Variants in KIAA1217 observed in about 807,000 individuals in gnomAD.
KIAA1217 encodes the protein sickle tail protein homolog.
KIAA1217 carries 88 observed loss-of-function variants against 163.9 expected under a neutral mutation model. The ratio of observed to expected loss-of-function variants is 0.54; its 90% CI spans 0.45 to 0.64. KIAA1217 has a LOEUF of 0.64. KIAA1217 is among the 30% of genes least tolerant of loss of function. The probability of loss-of-function intolerance (pLI) is 0.00; values close to 1 mark genes in which losing one functional copy is unlikely to be tolerated. For synonymous variants in KIAA1217, 903 were observed against 923.1 expected, an observed-to-expected ratio of 0.98 and a Z score of 0.39; for missense variants, 2,372 against 2,475.0, an observed-to-expected ratio of 0.96 and a Z score of 0.88.
At chr10:24,049,359 G>T (rs1849315525) in intron 2 of KIAA1217, among the ~76,000 whole-genome samples, 1 of 152,124 alleles carries the variant, frequency 6.6e-6, no homozygotes, top group South Asian at 2.1e-4. Flanking sequence ...CAGTGGCATA[G>T]AAACCTAAAG....
At position 24,168,889 on chromosome 10, in the gene KIAA1217, G is replaced by T. The variant is rs190131400; in HGVS notation, c.-170-50737G>T. On this transcript the variant is annotated intron_variant, in intron 2 of 18. Coordinates refer to the KIAA1217 transcript ENST00000376462. The stretch of plus-strand genomic sequence containing the variant: ...ATCTAAAGAGGCCATTTTTCATCTG[G>T]ATCATCAAGCAGTGGCTCTGAAGGT... 1.3e-3 allele frequency among the ~76,000 whole-genome samples: 192 copies of T among 152,286 alleles called. 1 individual carries two copies. In the South Asian group the frequency reaches 0.016, roughly 12 times the overall value.
rs1259218049 is a variant in KIAA1217, at chr10:24,545,051, T to C, written c.5282T>C (p.Leu1761Pro). 3 of 1,613,978 alleles carry C rather than the reference T, an allele frequency of 1.9e-6. No individual in the cohort carries two copies. The highest frequency in any genetic ancestry group is 2.5e-6 in the Non-Finnish European group (3 of 1,180,018). The change falls in exon 20 of 21, where the codon CTG becomes CCG. Residue 1761 changes from leucine (L) to proline (P), a missense_variant. By Grantham distance (98) the Leu-to-Pro change is moderately conservative (BLOSUM62 -3). Around this residue, in one of 3 missense-constraint regions of KIAA1217, gnomAD observed 690 missense variants for 677.5 expected, o/e 1.02. Transcript: ENST00000376454. ...AGTGCCAAGAACAGACCCGGAACCC[T>C]GGACAAACCCGGCAAGCAGTCCAAA... is the stretch of plus-strand genomic sequence containing the variant. ...PMSAKNRPGT[L>P]DKPGKQSKLQ...
rs1002195813 is a variant in KIAA1217 at position 23,825,763 on chromosome 10, A to G, written c.-321+130529A>G. Among the ~76,000 whole-genome samples, 4 of 152,326 alleles carry G rather than the reference A, an allele frequency of 2.6e-5. No individual in the cohort carries two copies. In the East Asian group the frequency reaches 7.7e-4, roughly 29 times the overall value. Reference sequence around the variant, plus strand: ...CACAGATGAAAATAACAGTAAAAAAATAGTGGTAAAACGTGGATTTTTGAG... The same window carrying G: ...CACAGATGAAAATAACAGTAAAAAAGTAGTGGTAAAACGTGGATTTTTGAG... On this transcript the variant is annotated intron_variant, in intron 1 of 18. Transcript: ENST00000376462.
intron 1 of KIAA1217, among the ~76,000 whole-genome samples, chr10:23,982,527 GTTTCTC>G (rs1845809866): frequency 1.5e-5 from 1 of 65,238 alleles, no homozygotes; most frequent in Non-Finnish European, 3.3e-5. Context: ...TCTGTTTTTT[GTTTCTC>G]TCTCTCTCTC....
chr10:24,047,880 G>A (rs1849154890), intron 2 of KIAA1217, among the ~76,000 whole-genome samples: 1 of 152,174 alleles, frequency 6.6e-6, no homozygotes. Context: ...GGCAGTCATG[G>A]CTGTGGATAG....
At chr10:23,763,163 A>T (rs1834345455) in intron 1 of KIAA1217, among the ~76,000 whole-genome samples, 1 of 152,214 alleles carries the variant, frequency 6.6e-6, no homozygotes. Flanking sequence ...GGAAGAATCA[A>T]TATCATGAAA....
chr10:24,193,305 T>A (rs980532672), intron 2 of KIAA1217, among the ~76,000 whole-genome samples: 2 of 152,204 alleles, frequency 1.3e-5, no homozygotes, highest in Non-Finnish European at 2.9e-5. Context: ...TAACTCTGAT[T>A]TTATAGGAGT....
intron 1 of KIAA1217, among the ~76,000 whole-genome samples, chr10:23,991,493 A>G (rs1846216164): frequency 6.6e-6 from 1 of 152,192 alleles, no homozygotes; most frequent in African/African-American, 2.4e-5. Context: ...TAGATCCTGT[A>G]TCTGCAAGTG....
chr10:23,804,789 A>C (rs1836658043), intron 1 of KIAA1217, among the ~76,000 whole-genome samples: 1 of 152,228 alleles, frequency 6.6e-6, no homozygotes, highest in South Asian at 2.1e-4. Context: ...AGATCAGACT[A>C]TATTGCTCCT....
intron 2 of KIAA1217, among the ~76,000 whole-genome samples, chr10:24,374,275 G>T (rs551448422): frequency 7.2e-5 from 11 of 152,274 alleles, no homozygotes; most frequent in South Asian, 2.1e-4. Context: ...TTAAAATGTG[G>T]TTAGTGAATA....
intron 2 of KIAA1217, among the ~76,000 whole-genome samples, chr10:24,013,171 C>T (rs940480085): frequency 3.3e-5 from 5 of 152,006 alleles, no homozygotes; most frequent in South Asian, 2.1e-4. Flanking sequence ...TTAAAAATGG[C>T]GCCCCTAAGC....
intron 2 of KIAA1217, among the ~76,000 whole-genome samples, chr10:24,323,960 TAA>T (rs2044524445): frequency 6.6e-6 from 1 of 152,100 alleles, no homozygotes; most frequent in African/African-American, 2.4e-5. Flanking sequence ...TAAAATGTTA[TAA>T]AGTTAAGCAT....
At chr10:24,308,655 T>C (rs192705061) in intron 2 of KIAA1217, among the ~76,000 whole-genome samples, 209 of 152,302 alleles carry the variant, frequency 1.4e-3, no homozygotes, top group African/African-American at 4.9e-3. Flanking sequence ...ATCATAAACA[T>C]CCACAAACTC....
intron 1 of KIAA1217, among the ~76,000 whole-genome samples, chr10:23,922,336 T>A (rs1190258118): frequency 2.0e-5 from 3 of 152,220 alleles, no homozygotes; most frequent in Admixed American, 2.0e-4. Context: ...GTATCCTTTA[T>A]AATATCTTTT....
intron 3 of KIAA1217, among the ~76,000 whole-genome samples, chr10:24,384,228 C>T (rs1027595514): frequency 1.3e-5 from 2 of 152,188 alleles, no homozygotes; most frequent in African/African-American, 4.8e-5. Flanking sequence ...TTTAAGTTCT[C>T]TCATGAAGCC....
chr10:24,462,775 G>C (rs2062547178), intron 5 of KIAA1217, among the ~76,000 whole-genome samples: 1 of 152,154 alleles, frequency 6.6e-6, no homozygotes, highest in African/African-American at 2.4e-5. Flanking sequence ...AGAATATGAA[G>C]TGTCACAAGC....
At position 24,480,033 on chromosome 10, in the gene KIAA1217, C is replaced by A. The variant is rs1322907135; in HGVS notation, c.1679+5973C>A. Among the ~76,000 whole-genome samples, 4 of 152,252 alleles carry A rather than the reference C, an allele frequency of 2.6e-5. No individual in the cohort carries two copies. The East Asian group carries it at 7.7e-4, about 29-fold the overall frequency. ...CAACATGAGTTTTAGTGGGGACAAA[C>A]CATATCCAAACCGTAGCAGATGTTT... is the stretch of plus-strand genomic sequence containing the variant. On this transcript the variant is annotated intron_variant, in intron 6 of 20. Coordinates refer to ENST00000376454, the MANE Select transcript of KIAA1217 (RefSeq NM_019590.5).
Position 24,495,192 on chromosome 10 carries a change from T to C in KIAA1217, c.1830T>C (p.Ser610=), listed in dbSNP as rs2066638152. 1 of 1,612,202 alleles carries C rather than the reference T, an allele frequency of 6.2e-7. No individual in the cohort carries two copies. Among genetic ancestry groups the C allele is most frequent in the Non-Finnish European group, 8.5e-7 (1 of 1,179,442 alleles). Residue 610 remains serine, a synonymous_variant, in exon 8 of 21, where the codon AGT becomes AGC. Coordinates refer to ENST00000376454, the MANE Select transcript of KIAA1217 (RefSeq NM_019590.5). The part of the protein sequence containing the change: ...KTTANRNHTD[S]AGTPHVSGGK... ...CAGCCAACAGGAACCACACAGATAGTGCAGGTAAGTAAGTGTTTTTGGAGC... is the reference window on the plus strand; with the variant it reads ...CAGCCAACAGGAACCACACAGATAGCGCAGGTAAGTAAGTGTTTTTGGAGC...
At chr10:23,950,954 A>G (rs1844309252) in intron 1 of KIAA1217, among the ~76,000 whole-genome samples, 1 of 152,174 alleles carries the variant, frequency 6.6e-6, no homozygotes, top group South Asian at 2.1e-4. Flanking sequence ...TTTCATAAAT[A>G]TTTATTGTGT....
Sources: allele counts gnomAD v4.1 joint callset (sites outside exome capture counted in the v4.1 genomes callset), GRCh38; gene constraint gnomAD v4.1.1; regional missense constraint gnomAD v4.1.1; transcripts MANE v1.5; gene names NCBI Gene and HGNC (gene_info 2026-07-23, HGNC 2026-07-21).